Variants in EPB41L3 observed in about 807,000 individuals in gnomAD.
EPB41L3 encodes band 4.1-like protein 3.
A neutral mutation model predicts 127.1 loss-of-function variants in EPB41L3; 57 were observed. The observed-to-expected ratio is 0.45, with a 90% CI of 0.36 to 0.56. The LOEUF is 0.56. EPB41L3 is among the 20% of genes least tolerant of loss of function. EPB41L3 has a pLI of 0.00. For missense variants in EPB41L3, 1,273 were observed against 1,372.2 expected (o/e 0.93, Z 1.14); for synonymous variants, 572 against 549.5 (o/e 1.04, Z -0.57).
chr18:5,492,576 T>C (rs1806607275), intron 1 of EPB41L3, among the ~76,000 whole-genome samples: 1 of 152,224 alleles, frequency 6.6e-6, no homozygotes, highest in Admixed American at 6.5e-5. Flanking sequence ...CCTTCTCTTC[T>C]GATAGGTTCA....
chr18:5,625,085 T>C (rs1053985589), intron 1 of EPB41L3, among the ~76,000 whole-genome samples: 1 of 152,046 alleles, frequency 6.6e-6, no homozygotes, highest in Non-Finnish European at 1.5e-5. Context: ...ATCTGAACAC[T>C]TAGATACAGG....
At chr18:5,476,134 C>T (rs934227585) in intron 3 of EPB41L3, among the ~76,000 whole-genome samples, 6 of 152,220 alleles carry the variant, frequency 3.9e-5, no homozygotes, top group South Asian at 4.2e-4. Context: ...TTCAACCAAT[C>T]GGTTACAAAT....
chr18:5,442,807 C>T (rs1257633392), intron 5 of EPB41L3, among the ~76,000 whole-genome samples: 2 of 152,102 alleles, frequency 1.3e-5, no homozygotes, highest in African/African-American at 4.8e-5. Flanking sequence ...CCTTCTCAAC[C>T]CCGACACTGG....
chr18:5,452,200 T>C (rs191876015), intron 3 of EPB41L3, among the ~76,000 whole-genome samples: 1 of 152,288 alleles, frequency 6.6e-6, no homozygotes, highest in African/African-American at 2.4e-5. Flanking sequence ...CTGGTATGGC[T>C]GAACAGTCAC....
intron 3 of EPB41L3, among the ~76,000 whole-genome samples, chr18:5,560,947 ATTTATTTAT>A (rs1179668972): frequency 1.4e-4 from 1 of 7,386 alleles, no homozygotes; most frequent in African/African-American, 2.3e-4. Flanking sequence ...GTAATTATTT[ATTTATTTAT>A]TTATTTATTT....
intron 3 of EPB41L3, among the ~76,000 whole-genome samples, chr18:5,603,874 A>G (rs1265660993): frequency 6.6e-6 from 1 of 152,136 alleles, no homozygotes; most frequent in African/African-American, 2.4e-5. Flanking sequence ...TCAAAATTAA[A>G]ATTTAAAAAA....
chr18:5,540,813 G>A (rs966845630), intron 1 of EPB41L3, among the ~76,000 whole-genome samples: 1 of 152,038 alleles, frequency 6.6e-6, no homozygotes, highest in Non-Finnish European at 1.5e-5. Context: ...CGCCGGGCGC[G>A]GTGGCTCACG....
intron 8 of EPB41L3, 23 bp from the exon 9 acceptor site, chr18:5,428,488 A>G: frequency 1.2e-6 from 2 of 1,613,870 alleles, no homozygotes; most frequent in Non-Finnish European, 1.7e-6. Flanking sequence ...AGCAAGAAAC[A>G]ACAGATCAGT....
At position 5,543,888 on chromosome 18, in the gene EPB41L3, C is replaced by G. The variant is rs2093824996; in HGVS notation, c.-12+25G>C. On this transcript the variant is annotated intron_variant, in intron 1 of 22. Coordinates refer to ENST00000341928, the MANE Select transcript of EPB41L3 (RefSeq NM_012307.5). The surrounding 1 kb of genome is among the most constrained non-coding windows in gnomAD (Gnocchi z 5.2). The stretch of plus-strand genomic sequence containing the variant: ...AAAGCCGAGACCCCCTCGCAGTCCC[C>G]CACTCCGAGAGGCGGAAAAGTTACC... The G allele has an allele frequency of 1.0e-6, 1 of 985,514 alleles. No homozygotes were observed. The highest frequency in any genetic ancestry group is 1.2e-6 in the Non-Finnish European group (1 of 830,050). 61.0% of individuals were successfully genotyped at this position (985,514 alleles called of 1,614,324 possible). A position where few individuals can be genotyped will look rare whatever the true frequency, so the allele number is the denominator to read the frequency against.
At chr18:5,610,204 T>C (rs2094709959) in intron 3 of EPB41L3, 1 of 985,400 alleles carries the variant, frequency 1.0e-6, no homozygotes, top group Non-Finnish European at 1.2e-6. Flanking sequence ...GGCAGGTCCA[T>C]ATTCCATGTT....
At chr18:5,546,008 T>C (rs1448559168), upstream of EPB41L3, among the ~76,000 whole-genome samples, 1 of 152,088 alleles carries the variant, frequency 6.6e-6, no homozygotes, top group South Asian at 2.1e-4. Context: ...CTTGAATAAA[T>C]TGTATTGTTT....
chr18:5,467,127 T>C (rs1035532609), intron 3 of EPB41L3, among the ~76,000 whole-genome samples: 2 of 152,236 alleles, frequency 1.3e-5, no homozygotes, highest in Admixed American at 1.3e-4. Context: ...TAGAACTTGC[T>C]TATAATCATT....
rs190346410 is a variant in EPB41L3, at chr18:5,450,323, G to A, written c.382-5079C>T. ...GGATGAACAGCACAAAGAACAAACT[G>A]TAATGTAAACTATGGACCTTAGTCA... is the stretch of plus-strand genomic sequence containing the variant. On this transcript the variant is annotated intron_variant, in intron 3 of 22. Transcript: ENST00000341928. Among the ~76,000 whole-genome samples, 342 of 152,228 alleles carry A rather than the reference G, an allele frequency of 2.2e-3. 3 individuals carry two copies. Among genetic ancestry groups the A allele is most frequent in the African/African-American group, 8.0e-3 (331 of 41,522 alleles).
intron 1 of EPB41L3, among the ~76,000 whole-genome samples, chr18:5,616,167 G>T (rs954092594): frequency 6.6e-6 from 1 of 151,912 alleles, no homozygotes; most frequent in African/African-American, 2.4e-5. Context: ...CTGTTACCCC[G>T]GCTCCTGCAC....
At chr18:5,600,823 TAGAA>T (rs1399868413) in intron 3 of EPB41L3, among the ~76,000 whole-genome samples, 4 of 152,152 alleles carry the variant, frequency 2.6e-5, no homozygotes, top group African/African-American at 9.7e-5. Flanking sequence ...AGTCAAGAGC[TAGAA>T]GGCCCTGAAT....
At chr18:5,561,640 C>T (rs1451130587) in intron 3 of EPB41L3, among the ~76,000 whole-genome samples, 1 of 152,116 alleles carries the variant, frequency 6.6e-6, no homozygotes, top group Non-Finnish European at 1.5e-5. Context: ...GTAATAATTG[C>T]TACAGAGAAG....
chr18:5,522,766 A>G (rs968045293), intron 1 of EPB41L3, among the ~76,000 whole-genome samples: 1 of 152,176 alleles, frequency 6.6e-6, no homozygotes, highest in African/African-American at 2.4e-5. Context: ...AAACAATGAA[A>G]AATGATAAAC....
intron 8 of EPB41L3, among the ~76,000 whole-genome samples, chr18:5,432,767 A>T (rs2079172666): frequency 6.6e-6 from 1 of 152,206 alleles, no homozygotes; most frequent in Non-Finnish European, 1.5e-5. Flanking sequence ...CCAAGACTCC[A>T]TTCCCAAGAT....
chr18:5,466,645 G>C (rs534560291), intron 3 of EPB41L3, among the ~76,000 whole-genome samples: 2 of 152,146 alleles, frequency 1.3e-5, no homozygotes, highest in Non-Finnish European at 2.9e-5. Context: ...CCTCAACTCT[G>C]TGTCAAAAAG....
Sources: allele counts gnomAD v4.1 joint callset (sites outside exome capture counted in the v4.1 genomes callset), GRCh38; gene constraint gnomAD v4.1.1; non-coding constraint Gnocchi (gnomAD v3.1); transcripts MANE v1.5; gene names NCBI Gene and HGNC (gene_info 2026-07-23, HGNC 2026-07-21).